ABI1: variants seen among roughly 807,000 people sequenced by gnomAD.
ABI1 encodes abl interactor 1, also known as Abelson interactor 1.
A neutral mutation model predicts 54.6 loss-of-function variants in ABI1; 14 were observed. The observed-to-expected ratio is 0.26, with a 90% CI of 0.17 to 0.40. ABI1 has a LOEUF of 0.40. ABI1 is among the 10% of genes least tolerant of loss of function. ABI1 has a pLI of 1.00. For synonymous variants in ABI1, 194 were observed against 209.3 expected (o/e 0.93, Z 0.63); for missense variants, 443 against 598.3 (o/e 0.74, Z 2.71).
intron 2 of ABI1, among the ~76,000 whole-genome samples, chr10:26,812,866 A>G (rs2047326756): frequency 1.3e-5 from 2 of 152,178 alleles, no homozygotes; most frequent in South Asian, 4.1e-4. Context: ...AGGGACTGGG[A>G]GTTATGACTT....
chr10:26,824,780 T>C (rs2048204320), intron 1 of ABI1, among the ~76,000 whole-genome samples: 1 of 151,936 alleles, frequency 6.6e-6, no homozygotes, highest in African/African-American at 2.4e-5. Context: ...GTAGATAGAA[T>C]CCCTTAAGCA....
At chr10:26,817,602 A>T (rs1425233956) in intron 2 of ABI1, among the ~76,000 whole-genome samples, 1 of 152,150 alleles carries the variant, frequency 6.6e-6, no homozygotes, top group Non-Finnish European at 1.5e-5. Context: ...TCAGTTTGGA[A>T]AAAGGAAAGA....
chr10:26,788,912 C>CAA (rs56220406), intron 2 of ABI1: 5,520 of 50,742 alleles, frequency 0.11, 419 homozygotes, highest in East Asian at 0.15. Flanking sequence ...GACTCCGTCT[C>CAA]AAAAAAAAAA....
At chr10:26,768,798 CCAGT>C in intron 6 of ABI1, 50 bp downstream of exon 6, 2 of 1,528,140 alleles carry the variant, frequency 1.3e-6, no homozygotes, top group Non-Finnish European at 1.8e-6. Flanking sequence ...GAGTTTGTCG[CCAGT>C]CAGTTACACC....
At chr10:26,835,982 A>T (rs750056670) in intron 1 of ABI1, among the ~76,000 whole-genome samples, 3 of 151,976 alleles carry the variant, frequency 2.0e-5, no homozygotes, top group Non-Finnish European at 4.4e-5. Flanking sequence ...CGAACTCCTG[A>T]ACTCAAAGAA....
At chr10:26,852,364 A>G (rs771729430) in intron 1 of ABI1, among the ~76,000 whole-genome samples, 3 of 152,148 alleles carry the variant, frequency 2.0e-5, no homozygotes, top group Admixed American at 6.5e-5. Flanking sequence ...CTGTAATCCC[A>G]GCTACTCAGG....
At chr10:26,853,312 T>TAAAA (rs370875442) in intron 1 of ABI1, among the ~76,000 whole-genome samples, 1 of 143,030 alleles carries the variant, frequency 7.0e-6, no homozygotes, top group Non-Finnish European at 1.5e-5. Flanking sequence ...TTTTTTTTTT[T>TAAAA]AAAAAAAATC....
Position 26,860,658 on chromosome 10 carries a change from C to CA in ABI1, c.117+88dup. The stretch of plus-strand genomic sequence containing the variant: ...TCGGGTTGGTGGCAGCCGCTGAGGT[C>CA]AGGGCAGTTCCCCACCCCGCCCAGT... On this transcript the variant is annotated intron_variant, in intron 1 of 10. Transcript: ENST00000376140. This position sits in a 1 kb window ranked among gnomAD's most constrained non-coding sequence, Gnocchi z 4.1. The CA allele has an allele frequency of 9.5e-7, 1 of 1,048,044 alleles. No homozygotes were observed. The highest frequency in any genetic ancestry group is 1.5e-6 in the Non-Finnish European group (1 of 677,808). 64.9% of individuals were successfully genotyped at this position (1,048,044 alleles called of 1,614,324 possible).
chr10:26,824,811 T>C (rs1321609013), intron 1 of ABI1, among the ~76,000 whole-genome samples: 1 of 152,180 alleles, frequency 6.6e-6, no homozygotes, highest in African/African-American at 2.4e-5. Context: ...CACAGATTTC[T>C]CTTTGGAACT....
At chr10:26,815,952 C>T (rs75138753) in intron 2 of ABI1, among the ~76,000 whole-genome samples, 3,621 of 152,242 alleles carry the variant, frequency 0.024, 144 homozygotes, top group African/African-American at 0.082. Flanking sequence ...ACCACAAGAA[C>T]TATAAATAAT....
intron 1 of ABI1, among the ~76,000 whole-genome samples, chr10:26,824,670 G>GA (rs1455760885): frequency 1.3e-5 from 2 of 151,450 alleles, no homozygotes; most frequent in African/African-American, 2.4e-5. Context: ...AGGGAAATAT[G>GA]AAAATGCATG....
rs115036150 is a variant in ABI1, at chr10:26,818,526, C to G, written c.285+4612G>C. Reference sequence around the variant, plus strand: ...TCAGTAGGCTGAGACATAAGAATCACTTGAAACTGGGAAGGTGGGGTGGGG... The same window carrying G: ...TCAGTAGGCTGAGACATAAGAATCAGTTGAAACTGGGAAGGTGGGGTGGGG... On this transcript the variant is annotated intron_variant, in intron 2 of 10. Transcript: ENST00000376140. Among the ~76,000 whole-genome samples the G allele has an allele frequency of 7.1e-3, 1,063 of 149,406 alleles. 21 individuals are homozygous for G. Among genetic ancestry groups the G allele is most frequent in the African/African-American group, 0.025 (1,022 of 40,468 alleles).
At chr10:26,796,896 T>C (rs1475907729) in intron 2 of ABI1, among the ~76,000 whole-genome samples, 1 of 152,144 alleles carries the variant, frequency 6.6e-6, no homozygotes, top group Non-Finnish European at 1.5e-5. Context: ...AGCATGCAAC[T>C]TAGGTCCCTT....
At chr10:26,857,319 TCAAAAAAAAAAAAAAAAAAA>T (rs2050899106) in intron 1 of ABI1, among the ~76,000 whole-genome samples, 1 of 50,084 alleles carries the variant, frequency 2.0e-5, no homozygotes, top group South Asian at 7.8e-4. Flanking sequence ...AGACTCCATC[TCAAAAAAAAAAAAAAAAAAA>T]AAAAAAAAAA....
rs1836956976 is a variant in ABI1 at position 26,746,693 on chromosome 10, A to AAAT, written c.*1874_*1876dup. ...CCTGAATCTGTCATTCTAGTCCTATAAATTATAATCAAGGTATCTTGATGG... is the reference window on the plus strand; with the variant it reads ...CCTGAATCTGTCATTCTAGTCCTATAAATAATTATAATCAAGGTATCTTGATGG... On this transcript the variant is annotated 3_prime_UTR_variant, in exon 11 of 11. Transcript: ENST00000376140. 1.9e-6 allele frequency: 1 copy of AAAT among 534,298 alleles called. No homozygotes were observed. The highest frequency in any genetic ancestry group is 3.4e-6 in the Non-Finnish European group (1 of 297,922). 33.1% of individuals were successfully genotyped at this position (534,298 alleles called of 1,614,324 possible).
chr10:26,835,088 CAAAAAAAAAA>C (rs201431383), intron 1 of ABI1, among the ~76,000 whole-genome samples: 37 of 32,138 alleles, frequency 1.2e-3, no homozygotes, highest in Admixed American at 5.8e-3. Context: ...GATTCTACCT[CAAAAAAAAAA>C]AAAAAAAAAA....
chr10:26,823,697 T>C (rs1370780809), intron 1 of ABI1, among the ~76,000 whole-genome samples: 8 of 152,216 alleles, frequency 5.3e-5, no homozygotes, highest in Non-Finnish European at 1.2e-4. Flanking sequence ...CTGCCTTATA[T>C]TCCTGTGTCC....
intron 3 of ABI1, chr10:26,776,800 T>C (rs571412198): frequency 8.8e-5 from 27 of 307,400 alleles, no homozygotes; most frequent in Admixed American, 7.7e-4. Context: ...AAGAAAGACA[T>C]AGAATTCACA....
At chr10:26,776,743 A>G (rs1041335921) in intron 3 of ABI1, 1 of 195,960 alleles carries the variant, frequency 5.1e-6, no homozygotes, top group Non-Finnish European at 1.0e-5. Flanking sequence ...TTTCTAAAGT[A>G]ATTTTGAAAA....
Sources: gnomAD v4.1 joint callset for allele counts (sites outside exome capture counted in the v4.1 genomes callset) on GRCh38, gnomAD v4.1.1 for gene constraint, Gnocchi (gnomAD v3.1) non-coding constraint, MANE v1.5 for transcripts, NCBI Gene and HGNC (gene_info 2026-07-23, HGNC 2026-07-21) for gene names.